Variants in DLG2 observed in about 807,000 individuals in gnomAD.
DLG2 encodes the protein disks large homolog 2.
DLG2 carries 45 observed loss-of-function variants against 132.5 expected under a neutral mutation model. That is an observed-to-expected ratio of 0.34 (90% CI 0.27 to 0.44). DLG2 has a LOEUF of 0.44. Ranked by LOEUF, DLG2 falls within the 20% of genes least tolerant of loss-of-function variation. The probability of loss-of-function intolerance (pLI) is 1.00; values close to 1 mark genes in which losing one functional copy is unlikely to be tolerated. For synonymous variants in DLG2, 424 were observed against 419.6 expected (o/e 1.01, Z -0.13); for missense variants, 1,045 against 1,196.9 (o/e 0.87, Z 1.87).
chr11:83,735,333 T>C (rs985440007), intron 18 of DLG2, among the ~76,000 whole-genome samples: 1 of 152,194 alleles, frequency 6.6e-6, no homozygotes, highest in African/African-American at 2.4e-5. Flanking sequence ...TTTGGTATTA[T>C]ACCAGGAAGA....
At chr11:84,083,773 T>C (rs1320497773) in intron 10 of DLG2, among the ~76,000 whole-genome samples, 2 of 152,198 alleles carry the variant, frequency 1.3e-5, no homozygotes, top group Non-Finnish European at 2.9e-5. Flanking sequence ...TTCTTTTCTT[T>C]ATAAATTACC....
intron 6 of DLG2, among the ~76,000 whole-genome samples, chr11:84,595,131 T>C (rs903919112): frequency 6.6e-6 from 1 of 152,142 alleles, no homozygotes; most frequent in African/African-American, 2.4e-5. Flanking sequence ...TATATAGTTA[T>C]GGTAGAAAAA....
At chr11:84,568,588 C>A (rs1048237200) in intron 6 of DLG2, among the ~76,000 whole-genome samples, 1 of 152,138 alleles carries the variant, frequency 6.6e-6, no homozygotes, top group African/African-American at 2.4e-5. Context: ...GGAGGCTCAA[C>A]CTAACTTCTG....
At chr11:84,600,179 A>AGAAAGAAG (rs2154532078) in intron 6 of DLG2, among the ~76,000 whole-genome samples, 1 of 132,660 alleles carries the variant, frequency 7.5e-6, no homozygotes, top group South Asian at 2.7e-4. Context: ...AAAGAAAGAA[A>AGAAAGAAG]GAAAGAAAGA....
intron 11 of DLG2, among the ~76,000 whole-genome samples, chr11:84,030,751 G>C (rs539652570): frequency 8.5e-5 from 13 of 152,250 alleles, no homozygotes; most frequent in Admixed American, 6.5e-4. Context: ...TCTTCTACCT[G>C]AAAACAGAAG....
intron 6 of DLG2, among the ~76,000 whole-genome samples, chr11:84,759,129 T>C (rs1379030449): frequency 6.6e-6 from 1 of 152,142 alleles, no homozygotes; most frequent in Non-Finnish European, 1.5e-5. Context: ...CTACCCACCT[T>C]GGCCTCCCGA....
intron 6 of DLG2, among the ~76,000 whole-genome samples, chr11:84,664,923 G>C (rs1240843500): frequency 6.6e-6 from 1 of 151,978 alleles, no homozygotes; most frequent in Non-Finnish European, 1.5e-5. Context: ...TTTGGCCACG[G>C]TATATGCTTT....
chr11:85,388,391 A>T (rs1010529956), intron 3 of DLG2, among the ~76,000 whole-genome samples: 1 of 152,172 alleles, frequency 6.6e-6, no homozygotes, highest in Non-Finnish European at 1.5e-5. Context: ...GACAAAGGAC[A>T]TATCTCTTGG....
At chr11:83,507,112 T>A (rs2094743854) in intron 21 of DLG2, among the ~76,000 whole-genome samples, 2 of 152,196 alleles carry the variant, frequency 1.3e-5, no homozygotes, top group Non-Finnish European at 2.9e-5. Context: ...AAAAGTATTA[T>A]GTATAGAGTC....
chr11:83,721,452 A>G (rs1291710863), intron 18 of DLG2, among the ~76,000 whole-genome samples: 1 of 152,200 alleles, frequency 6.6e-6, no homozygotes, highest in Non-Finnish European at 1.5e-5. Flanking sequence ...TCTACACAAT[A>G]ACACATGCGC....
At chr11:85,322,439 A>G (rs1170689147) in intron 3 of DLG2, among the ~76,000 whole-genome samples, 1 of 152,172 alleles carries the variant, frequency 6.6e-6, no homozygotes, top group East Asian at 1.9e-4. Flanking sequence ...TTTAAGTAAA[A>G]TCACACAATG....
intron 3 of DLG2, among the ~76,000 whole-genome samples, chr11:85,524,623 G>A (rs1336165269): frequency 6.6e-6 from 1 of 152,058 alleles, no homozygotes. Flanking sequence ...TTCCCGAGTA[G>A]CTGAGACTAC....
intron 7 of DLG2, among the ~76,000 whole-genome samples, chr11:84,368,740 G>C (rs1157884932): frequency 6.6e-6 from 1 of 152,108 alleles, no homozygotes; most frequent in East Asian, 1.9e-4. Flanking sequence ...GAGATCAAAT[G>C]AGATAATGCA....
chr11:84,537,755 C>T (rs1193378423), intron 6 of DLG2, among the ~76,000 whole-genome samples: 6 of 152,188 alleles, frequency 3.9e-5, no homozygotes, highest in African/African-American at 1.4e-4. Flanking sequence ...CTCACATCTC[C>T]AGTCTTTAGT....
chr11:84,122,822 A>G (rs922622120), intron 9 of DLG2, among the ~76,000 whole-genome samples: 20 of 152,062 alleles, frequency 1.3e-4, no homozygotes, highest in African/African-American at 4.6e-4. Flanking sequence ...GACCAAACAT[A>G]TAACACACAC....
At chr11:85,129,293 A>C (rs570421103) in intron 5 of DLG2, among the ~76,000 whole-genome samples, 1 of 152,322 alleles carries the variant, frequency 6.6e-6, no homozygotes, top group African/African-American at 2.4e-5. Context: ...CTAGTCTACA[A>C]GATCTTACTC....
intron 15 of DLG2, among the ~76,000 whole-genome samples, chr11:83,885,017 G>A (rs1041052459): frequency 3.3e-5 from 5 of 152,124 alleles, no homozygotes; most frequent in Admixed American, 2.6e-4. Flanking sequence ...CAGAAAAACT[G>A]GAAACTCTAA....
intron 2 of DLG2, among the ~76,000 whole-genome samples, chr11:85,600,478 TTTG>T (rs1437624491): frequency 1.3e-5 from 2 of 152,186 alleles, no homozygotes; most frequent in Non-Finnish European, 2.9e-5. Flanking sequence ...CGCACATGAG[TTTG>T]TTATAATTTT....
At chr11:84,063,658 G>A (rs2096626167) in intron 10 of DLG2, among the ~76,000 whole-genome samples, 3 of 152,070 alleles carry the variant, frequency 2.0e-5, no homozygotes, top group African/African-American at 4.8e-5. Flanking sequence ...AAAGACACAT[G>A]CACACGTATG....
Sources: gnomAD v4.1 joint callset for allele counts (sites outside exome capture counted in the v4.1 genomes callset) on GRCh38, gnomAD v4.1.1 for gene constraint, MANE v1.5 for transcripts, NCBI Gene and HGNC (gene_info 2026-07-23, HGNC 2026-07-21) for gene names.